ARID3A: variants seen among roughly 807,000 people sequenced by gnomAD.
ARID3A encodes the protein AT-rich interactive domain-containing protein 3A.
Under a neutral mutation model 52.7 loss-of-function variants are expected in ARID3A, and 11 were observed. The ratio of observed to expected loss-of-function variants is 0.21; its 90% confidence interval spans 0.13 to 0.35. The LOEUF is 0.35. Among genes scored for constraint, ARID3A ranks in the 10% least tolerant of loss-of-function variants. The pLI is 1.00. For synonymous variants in ARID3A, 404 were observed against 359.4 expected, an observed-to-expected ratio of 1.12 and a Z score of -1.40; for missense variants, 721 against 838.5, an observed-to-expected ratio of 0.86 and a Z score of 1.73.
intron 1 of ARID3A, among the ~76,000 whole-genome samples, chr19:926,712 C>T (rs1599375750): frequency 6.6e-6 from 1 of 151,240 alleles, no homozygotes; most frequent in Admixed American, 6.6e-5. Context: ...CGCCCGGTTC[C>T]TCGGCGGGGA....
intron 3 of ARID3A, among the ~76,000 whole-genome samples, chr19:953,463 C>T (rs938282962): frequency 6.6e-4 from 98 of 149,556 alleles, no homozygotes; most frequent in Admixed American, 1.2e-3. Context: ...CCCACCCCCC[C>T]AGGCCTCCCA....
Position 932,611 on chromosome 19 carries a change from G to A in ARID3A, c.562G>A (p.Val188Ile), listed in dbSNP as rs927823241. Reference protein sequence around the residue: ...QPPQAFRGDGVPRVLGGQERP... With the variant: ...QPPQAFRGDGIPRVLGGQERP... ...ACCCCAGGCCTTCCGCGGCGATGGC[G>A]TTCCCAGGGTGCTGGGGGGCCAGGA... The change falls in exon 3 of 9, where the codon GTT (valine) becomes ATT (isoleucine). Residue 188 changes from valine to isoleucine, a missense_variant. This residue lies in a region of ARID3A where 349 missense variants were observed against 297.3 expected (regional missense o/e 1.17). Coordinates refer to ENST00000263620, the MANE Select transcript of ARID3A (RefSeq NM_005224.3). 9 of 1,520,240 alleles carry A rather than the reference G, an allele frequency of 5.9e-6. No homozygotes were observed. The highest frequency in any genetic ancestry group is 2.5e-5 in the East Asian group (1 of 40,092). The allele number at this position is 1,520,240 out of a possible 1,614,324, so 94.2% of individuals were successfully genotyped here.
At position 975,425 on chromosome 19, in the gene ARID3A, C is replaced by G. The variant is rs946358351; in HGVS notation, c.*3360C>G. On this transcript the variant is annotated 3_prime_UTR_variant, in exon 9 of 9. Coordinates refer to ENST00000263620, the MANE Select transcript of ARID3A (RefSeq NM_005224.3). ...GCATCTGTACAGTTGAATTTCCTTT[C>G]TCTTATCATGTTTTACCCACCTTGT... 1.7e-5 allele frequency: 4 copies of G among 231,168 alleles called. No individual in the cohort carries two copies. Among genetic ancestry groups the G allele is most frequent in the Non-Finnish European group, 2.6e-5 (3 of 116,776 alleles). 14.3% of individuals were successfully genotyped at this position (231,168 alleles called of 1,614,324 possible).
At chr19:956,916 A>G (rs1257605292) in intron 3 of ARID3A, among the ~76,000 whole-genome samples, 1 of 152,134 alleles carries the variant, frequency 6.6e-6, no homozygotes, top group African/African-American at 2.4e-5. Flanking sequence ...TCTGGGCCCT[A>G]ATGACCGATC....
At chr19:926,443 G>T (rs1208065475) in intron 1 of ARID3A, among the ~76,000 whole-genome samples, 1 of 151,322 alleles carries the variant, frequency 6.6e-6, no homozygotes, top group Non-Finnish European at 1.5e-5. Context: ...GGGGTCGCGA[G>T]TGCGCGCCCC....
chr19:968,868 C>T (rs544372347), intron 8 of ARID3A: 36 of 163,642 alleles, frequency 2.2e-4, no homozygotes, highest in African/African-American at 6.2e-4. Flanking sequence ...TTGCTCAGAC[C>T]GGTCTTGAAC....
At chr19:928,211 C>CGAGGGTGGA (rs1568352569) in intron 1 of ARID3A, 1 of 152,370 alleles carries the variant, frequency 6.6e-6, no homozygotes, top group Admixed American at 6.5e-5. Context: ...TTGCCCCCTC[C>CGAGGGTGGA]GCTGTCCCCA....
chr19:972,821 A>AC lies in ARID3A; in HGVS notation c.*756_*757insC, dbSNP rs1568377846. 5 of 171,186 alleles carry AC rather than the reference A, an allele frequency of 2.9e-5. No homozygotes were observed. Among genetic ancestry groups the AC allele is most frequent in the African/African-American group, 1.2e-4 (5 of 40,252 alleles). The allele number at this position is 171,186 out of a possible 1,614,324, so 10.6% of individuals were successfully genotyped here. On this transcript the variant is annotated 3_prime_UTR_variant, in exon 9 of 9. Coordinates refer to ENST00000263620, the MANE Select transcript of ARID3A (RefSeq NM_005224.3). ...AAAAGCAAAAAAAAAAAAAAAAAAAAAAAAAAAAAACTCACCTTTTTATTT... is the reference window on the plus strand; with the variant it reads ...AAAAGCAAAAAAAAAAAAAAAAAAAACAAAAAAAAAACTCACCTTTTTATTT...
In ARID3A at chr19:960,211, G is replaced by A; in HGVS notation, c.766+47G>A. 6.5e-7 allele frequency: 1 copy of A among 1,542,810 alleles called. No individual in the cohort carries two copies. The highest frequency in any genetic ancestry group is 8.9e-7 in the Non-Finnish European group (1 of 1,127,576). ...CGCTGGAGGGAGGTCACAGAAACAG[G>A]GCTGTAGGAGGGGCCCTACTGGCTC... On this transcript the variant is annotated intron_variant, in intron 4 of 8. Coordinates refer to ENST00000263620, the MANE Select transcript of ARID3A (RefSeq NM_005224.3). This position sits in a 1 kb window ranked among gnomAD's most constrained non-coding sequence, Gnocchi z 4.3.
Position 938,175 on chromosome 19 carries a change from G to A in ARID3A, c.693+5433G>A, listed in dbSNP as rs144036799. ...CGACTTTTGATCCTAGCCTCCTTGT[G>A]GGGGTGGCGTGGTTTCTCACTGTGG... On this transcript the variant is annotated intron_variant, in intron 3 of 8. Coordinates refer to ENST00000263620, the MANE Select transcript of ARID3A (RefSeq NM_005224.3). The surrounding 1 kb of genome is among the most constrained non-coding windows in gnomAD (Gnocchi z 4.0). 6.9e-3 allele frequency among the ~76,000 whole-genome samples: 1,056 copies of A among 152,258 alleles called. 12 individuals carry two copies. Among genetic ancestry groups the A allele is most frequent in the Middle Eastern group, 0.027 (8 of 294 alleles).
chr19:940,835 G>A (rs1402789102), intron 3 of ARID3A, among the ~76,000 whole-genome samples: 1 of 152,144 alleles, frequency 6.6e-6, no homozygotes, highest in Non-Finnish European at 1.5e-5. Context: ...CTGGGCACCT[G>A]GTCCTCCCCA....
rs1174748444 is a variant in ARID3A, at chr19:968,452, G to A, written c.1543G>A (p.Gly515Ser). Residue 515 changes from glycine (G) to serine (S), a missense_variant, in exon 8 of 9, where the codon GGC becomes AGC. Physicochemically the swap from Gly to Ser is moderately conservative, Grantham distance 56 (BLOSUM62 0). This residue lies in a region of ARID3A where 297 missense variants were observed against 343.2 expected (regional missense o/e 0.87). Transcript: ENST00000263620. ...TGCTGTGAACCTGACGGGCACCAAC[G>A]GCAGCAACAGCATCAGCATGTCGGT... Reference protein sequence around the residue: ...DSAVNLTGTNGSNSISMSVEI... With the variant: ...DSAVNLTGTNSSNSISMSVEI... 6.8e-6 allele frequency: 11 copies of A among 1,614,028 alleles called. No individual in the cohort carries two copies. Among genetic ancestry groups the A allele is most frequent in the Middle Eastern group, 1.7e-4 (1 of 6,060 alleles).
chr19:947,545 C>T lies in ARID3A; in HGVS notation c.694-12547C>T, dbSNP rs1190273424. ...CCATGTCTCAGCCCCCACCCAGATGCCCCGGGACCGTTTCACAGATGAGAA... is the reference window on the plus strand; with the variant it reads ...CCATGTCTCAGCCCCCACCCAGATGTCCCGGGACCGTTTCACAGATGAGAA... On this transcript the variant is annotated intron_variant, in intron 3 of 8. Transcript: ENST00000263620. This position sits in a 1 kb window ranked among gnomAD's most constrained non-coding sequence, Gnocchi z 6.3. Among the ~76,000 whole-genome samples the T allele has an allele frequency of 6.6e-6, 1 of 152,148 alleles. No individual in the cohort carries two copies. Among genetic ancestry groups the T allele is most frequent in the African/African-American group, 2.4e-5 (1 of 41,436 alleles).
intron 3 of ARID3A, among the ~76,000 whole-genome samples, chr19:934,640 A>C (rs2037402149): frequency 6.6e-6 from 1 of 152,046 alleles, no homozygotes; most frequent in African/African-American, 2.4e-5. Context: ...GGTGGACTAA[A>C]GCTCGGCTTG....
Position 958,526 on chromosome 19 carries a change from G to C in ARID3A, c.694-1566G>C, listed in dbSNP as rs537273231. Among the ~76,000 whole-genome samples the C allele has an allele frequency of 1.5e-4, 23 of 152,262 alleles. No individual in the cohort carries two copies. In the Middle Eastern group the frequency reaches 0.014, roughly 91 times the overall value. On this transcript the variant is annotated intron_variant, in intron 3 of 8. Coordinates refer to ENST00000263620, the MANE Select transcript of ARID3A (RefSeq NM_005224.3). Reference sequence around the variant, plus strand: ...GTGACAGGACCTCATTTGGAAACGGGGGAACTTACTGACATACAATCACGT... The same window carrying C: ...GTGACAGGACCTCATTTGGAAACGGCGGAACTTACTGACATACAATCACGT...
chr19:939,307 C>T (rs982162000), intron 3 of ARID3A, among the ~76,000 whole-genome samples: 1 of 151,976 alleles, frequency 6.6e-6, no homozygotes, highest in Non-Finnish European at 1.5e-5. Flanking sequence ...TTAGTAGAGA[C>T]GGGGTTTCAC....
At chr19:931,543 TGGCTCAC>T (rs1240607209) in intron 2 of ARID3A, among the ~76,000 whole-genome samples, 3 of 151,114 alleles carry the variant, frequency 2.0e-5, no homozygotes, top group Admixed American at 2.0e-4. Context: ...CTGGGCGTGG[TGGCTCAC>T]GCCTGTAATC....
rs939926731 is a variant in ARID3A, at chr19:972,890, C to T, written c.*825C>T. Reference sequence around the variant, plus strand: ...GTCCCTTTGTCCATTTCTGGGGGTGCGTTGGGCAGCTGTGAGCCCAGCACA... The same window carrying T: ...GTCCCTTTGTCCATTTCTGGGGGTGTGTTGGGCAGCTGTGAGCCCAGCACA... On this transcript the variant is annotated 3_prime_UTR_variant, in exon 9 of 9. Coordinates refer to ENST00000263620, the MANE Select transcript of ARID3A (RefSeq NM_005224.3). The T allele has an allele frequency of 7.1e-5, 12 of 169,296 alleles. No individual in the cohort carries two copies. The highest frequency in any genetic ancestry group is 1.3e-4 in the African/African-American group (5 of 38,956). The allele number at this position is 169,296 out of a possible 1,614,324, so 10.5% of individuals were successfully genotyped here.
intron 3 of ARID3A, among the ~76,000 whole-genome samples, chr19:958,753 C>T (rs967316466): frequency 7.2e-5 from 11 of 151,968 alleles, no homozygotes; most frequent in African/African-American, 1.4e-4. Context: ...ATTATCCGGG[C>T]GTGGTGGCGG....
Sources: gnomAD v4.1 joint callset for allele counts (sites outside exome capture counted in the v4.1 genomes callset) on GRCh38, gnomAD v4.1.1 for gene constraint, gnomAD v4.1.1 regional missense constraint, Gnocchi (gnomAD v3.1) non-coding constraint, MANE v1.5 for transcripts, NCBI Gene and HGNC (gene_info 2026-07-23, HGNC 2026-07-21) for gene names.